HECTD4: variants seen among roughly 807,000 people sequenced by gnomAD.
The protein encoded by HECTD4 is HECT domain E3 ubiquitin protein ligase 4, also known as probable E3 ubiquitin-protein ligase HECTD4.
HECTD4 carries 114 observed loss-of-function variants against 471.5 expected under a neutral mutation model. That is an observed-to-expected ratio of 0.24 (90% CI 0.21 to 0.28). The LOEUF (loss-of-function observed/expected upper bound fraction) is 0.28, where lower values mean the gene tolerates loss of function less well. Among genes scored for constraint, HECTD4 ranks in the 10% least tolerant of loss-of-function variants. The probability of loss-of-function intolerance (pLI) is 1.00; values close to 1 mark genes in which losing one functional copy is unlikely to be tolerated. For synonymous variants in HECTD4, 2,012 were observed against 2,256.0 expected (o/e 0.89, Z 3.07); for missense variants, 3,866 against 5,651.5 (o/e 0.68, Z 10.13).
intron 1 of HECTD4, among the ~76,000 whole-genome samples, chr12:112,373,332 G>A (rs2036718384): frequency 6.6e-6 from 1 of 152,018 alleles, no homozygotes; most frequent in South Asian, 2.1e-4. Context: ...TTGAGGTCAG[G>A]AGTTAGCCTG....
intron 27 of HECTD4, 115 bp from the exon 28 acceptor site, chr12:112,247,665 T>A (rs2077078193): frequency 2.2e-6 from 1 of 450,452 alleles, no homozygotes; most frequent in Non-Finnish European, 3.9e-6. Context: ...CACATTTCTA[T>A]GCTTGAAACT....
intron 1 of HECTD4, among the ~76,000 whole-genome samples, chr12:112,367,995 T>C (rs1274703450): frequency 2.0e-5 from 3 of 152,144 alleles, no homozygotes; most frequent in Admixed American, 6.6e-5. Flanking sequence ...AAAAGATCCA[T>C]TACAAATACA....
rs199864048 is a variant in HECTD4 at position 112,217,049 on chromosome 12, T to C, written c.7221A>G (p.Ser2407=). 58 of 1,581,646 alleles carry C rather than the reference T, an allele frequency of 3.7e-5. No homozygotes were observed. The highest frequency in any genetic ancestry group is 3.4e-4 in the Middle Eastern group (2 of 5,896). ...GATGTCTCACCTGAACTGGCAGTGGTGAAGTGGCATAGATAAAAGTGCCCC... is the reference window on the plus strand; with the variant it reads ...GATGTCTCACCTGAACTGGCAGTGGCGAAGTGGCATAGATAAAAGTGCCCC... ...LPRGTFIYAT[S]PLPVQAPSFY... The change falls in exon 46 of 76, where the codon TCA becomes TCG. Residue 2407 remains serine, a synonymous_variant. Coordinates refer to ENST00000682272, the MANE Select transcript of HECTD4 (RefSeq NM_001388303.1).
At chr12:112,334,046 T>TA (rs2035891907) in intron 1 of HECTD4, among the ~76,000 whole-genome samples, 1 of 151,594 alleles carries the variant, frequency 6.6e-6, no homozygotes, top group Non-Finnish European at 1.5e-5. Flanking sequence ...CCATCTCTAC[T>TA]AAAAAACACA....
chr12:112,368,963 T>A lies in HECTD4; in HGVS notation c.177+12989A>T, dbSNP rs192769082. ...TCCAAATAATCTCCCTCACAACTGC[T>A]GTGCATTCTGAGCACACTTCGGGAG... On this transcript the variant is annotated intron_variant, in intron 1 of 75. Transcript: ENST00000682272. Among the ~76,000 whole-genome samples the A allele has an allele frequency of 2.6e-5, 4 of 152,358 alleles. No homozygotes were observed. The East Asian group carries it at 7.7e-4, about 29-fold the overall frequency.
rs558828724 is a variant in HECTD4, at chr12:112,313,863, A to G, written c.785+594T>C. 2.0e-5 allele frequency among the ~76,000 whole-genome samples: 3 copies of G among 152,258 alleles called. No homozygotes were observed. The East Asian group carries it at 5.8e-4, about 29-fold the overall frequency. ...ATCTGTGTGTAAAATATACTATTTT[A>G]TGTGTATTTTTGTGTGTGACAGAGA... On this transcript the variant is annotated intron_variant, in intron 3 of 75. Transcript: ENST00000682272.
intron 51 of HECTD4, 72 bp downstream of exon 51, chr12:112,208,422 C>T: frequency 7.0e-7 from 1 of 1,424,514 alleles, no homozygotes. Flanking sequence ...ATCACTCCTC[C>T]AGGCTTGTCC....
intron 1 of HECTD4, among the ~76,000 whole-genome samples, chr12:112,363,767 G>A (rs1034690905): frequency 5.6e-4 from 85 of 151,708 alleles, no homozygotes; most frequent in Non-Finnish European, 9.6e-4. Context: ...ACGAGGTCAG[G>A]AGTTCAAGAC....
Position 112,160,907 on chromosome 12 carries a change from A to G in HECTD4, c.*1480T>C, listed in dbSNP as rs2030665324. On this transcript the variant is annotated 3_prime_UTR_variant, in exon 76 of 76. Transcript: ENST00000682272. ...CAATACAACTGATGCAGCTGTCATG[A>G]TTAACCCTAGGTCGATTTCATCCTT... 6.6e-6 allele frequency: 1 copy of G among 152,168 alleles called. No individual in the cohort carries two copies. The highest frequency in any genetic ancestry group is 1.5e-5 in the Non-Finnish European group (1 of 68,034). 9.4% of individuals were successfully genotyped at this position (152,168 alleles called of 1,614,324 possible).
At chr12:112,224,026 ACT>A (rs2033165704) in intron 44 of HECTD4, among the ~76,000 whole-genome samples, 2 of 152,130 alleles carry the variant, frequency 1.3e-5, no homozygotes, top group Admixed American at 1.3e-4. Context: ...AAATCAAATA[ACT>A]CTGTCTTTTC....
chr12:112,198,170 A>C (rs2032303046), intron 55 of HECTD4, among the ~76,000 whole-genome samples: 1 of 152,252 alleles, frequency 6.6e-6, no homozygotes, highest in South Asian at 2.1e-4. Context: ...GCAAAATAAC[A>C]GCAGTAAAAA....
At chr12:112,200,830 C>T (rs2032400304) in intron 54 of HECTD4, 32 bp from the exon 55 acceptor site, 6 of 1,598,490 alleles carry the variant, frequency 3.8e-6, no homozygotes, top group Non-Finnish European at 5.1e-6. Context: ...TCTGTTTGTG[C>T]TGTTTGCTTT....
intron 1 of HECTD4, among the ~76,000 whole-genome samples, chr12:112,374,236 G>A (rs981815141): frequency 6.6e-6 from 1 of 152,080 alleles, no homozygotes; most frequent in Non-Finnish European, 1.5e-5. Flanking sequence ...AAGGTGGGAA[G>A]ACCACTTAAA....
chr12:112,249,905 T>C, intron 25 of HECTD4: 1 of 526,034 alleles, frequency 1.9e-6, no homozygotes, highest in Non-Finnish European at 3.4e-6. Flanking sequence ...CAAAATGGGG[T>C]CCAAGAACCA....
At position 112,163,699 on chromosome 12, in the gene HECTD4, C is replaced by T; in HGVS notation, c.12740G>A (p.Ser4247Asn). ...NKDIYAAAIR[S>N]LRLRELQNVE... ...ATTCTGCAGCTCCCGCAGCCGCAGG[C>T]TCCGGATGGCTGCCGCGTAGATGTC... The change falls in exon 74 of 76, where the codon AGC becomes AAC. Residue 4247 changes from serine to asparagine, a missense_variant. By Grantham distance (46) the Ser-to-Asn change is conservative (BLOSUM62 1). This residue lies in a region of HECTD4 where 715 missense variants were observed against 1,087.6 expected (regional missense o/e 0.66). Transcript: ENST00000682272. The surrounding 1 kb of genome is among the most constrained non-coding windows in gnomAD (Gnocchi z 8.2). 1 of 1,512,152 alleles carries T rather than the reference C, an allele frequency of 6.6e-7. No homozygotes were observed. The highest frequency in any genetic ancestry group is 8.9e-7 in the Non-Finnish European group (1 of 1,129,430). 93.7% of individuals were successfully genotyped at this position (1,512,152 alleles called of 1,614,324 possible).
At chr12:112,290,734 G>A (rs948868123) in intron 7 of HECTD4, among the ~76,000 whole-genome samples, 3 of 151,634 alleles carry the variant, frequency 2.0e-5, no homozygotes, top group African/African-American at 7.3e-5. Flanking sequence ...TGTAGTCCCA[G>A]CTACTCGGGA....
chr12:112,319,917 T>C lies in HECTD4; in HGVS notation c.178-175A>G, dbSNP rs573300670. ...CTCTTTGCTGATGGAATTGTTCCCCTTTTGGCTTTTCTGTTAATGCTTCCA... is the reference window on the plus strand; with the variant it reads ...CTCTTTGCTGATGGAATTGTTCCCCCTTTGGCTTTTCTGTTAATGCTTCCA... On this transcript the variant is annotated intron_variant, in intron 1 of 75. Transcript: ENST00000682272. The surrounding 1 kb of genome is among the most constrained non-coding windows in gnomAD (Gnocchi z 5.3). 6.6e-6 allele frequency among the ~76,000 whole-genome samples: 1 copy of C among 152,382 alleles called. No homozygotes were observed. The highest frequency in any genetic ancestry group is 1.5e-5 in the Non-Finnish European group (1 of 68,034).
chr12:112,295,664 G>T (rs1160317031), intron 7 of HECTD4, among the ~76,000 whole-genome samples: 5 of 147,548 alleles, frequency 3.4e-5, no homozygotes, highest in Non-Finnish European at 7.5e-5. Flanking sequence ...TTGAGACAGG[G>T]TCTGTCTCAC....
intron 60 of HECTD4, among the ~76,000 whole-genome samples, chr12:112,190,524 G>T (rs1335454110): frequency 6.6e-6 from 1 of 152,114 alleles, no homozygotes; most frequent in African/African-American, 2.4e-5. Context: ...AAGTAAAGTG[G>T]ATAAAGTTAA....
Sources: allele counts gnomAD v4.1 joint callset (sites outside exome capture counted in the v4.1 genomes callset), GRCh38; gene constraint gnomAD v4.1.1; regional missense constraint gnomAD v4.1.1; non-coding constraint Gnocchi (gnomAD v3.1); transcripts MANE v1.5; gene names NCBI Gene and HGNC (gene_info 2026-07-23, HGNC 2026-07-21).